The following PINX1 variants were observed in gnomAD, a reference collection of about 807,000 sequenced individuals.
The protein encoded by PINX1 is PIN2 (TERF1) interacting telomerase inhibitor 1.
PINX1 carries 34 observed loss-of-function variants against 25.4 expected under a neutral mutation model. The observed-to-expected ratio is 1.34, with a 90% CI of 1.02 to 1.78. PINX1 has a LOEUF of 1.78. PINX1 is among the 40% of genes most tolerant of loss of function. The pLI is 0.00. For synonymous variants in PINX1, 197 were observed against 147.7 expected, an observed-to-expected ratio of 1.33 and a Z score of -2.42; for missense variants, 592 against 404.9, an observed-to-expected ratio of 1.46 and a Z score of -3.97.
intron 1 of PINX1, among the ~76,000 whole-genome samples, chr8:10,836,683 T>C (rs1014707442): frequency 8.1e-6 from 1 of 123,164 alleles, no homozygotes; most frequent in Non-Finnish European, 1.7e-5. Flanking sequence ...CAAACAAGGA[T>C]GTTGGGGGGG....
chr8:10,827,683 G>A (rs373110719), intron 4 of PINX1, among the ~76,000 whole-genome samples: 1 of 151,408 alleles, frequency 6.6e-6, no homozygotes, highest in South Asian at 2.1e-4. Context: ...GCAGCAGGCA[G>A]ATCATGAGGT....
At chr8:10,838,635 G>C (rs1798477671) in intron 1 of PINX1, among the ~76,000 whole-genome samples, 2 of 152,148 alleles carry the variant, frequency 1.3e-5, no homozygotes, top group South Asian at 2.1e-4. Flanking sequence ...AACCAGAAGA[G>C]ATCTTAGCTA....
intron 1 of PINX1, among the ~76,000 whole-genome samples, chr8:10,838,003 G>A (rs117040951): frequency 2.4e-3 from 369 of 152,290 alleles, no homozygotes; most frequent in Non-Finnish European, 4.5e-3. Flanking sequence ...CAGCAGCTAG[G>A]CTTCAATCAC....
At chr8:10,837,343 G>T (rs1563242905) in intron 1 of PINX1, among the ~76,000 whole-genome samples, 1 of 152,206 alleles carries the variant, frequency 6.6e-6, no homozygotes, top group Non-Finnish European at 1.5e-5. Context: ...GACTCCCTGG[G>T]GGAGGGCTCT....
Position 10,765,496 on chromosome 8 carries a change from C to G in PINX1, c.892G>C (p.Gly298Arg), listed in dbSNP as rs1188017227. 6 of 1,613,536 alleles carry G rather than the reference C, an allele frequency of 3.7e-6. No individual in the cohort carries two copies. Among genetic ancestry groups the G allele is most frequent in the Non-Finnish European group, 5.1e-6 (6 of 1,179,910 alleles). The change falls in exon 7 of 7, where the codon GGG (glycine) becomes CGG (arginine). Residue 298 changes from glycine (G) to arginine (R), a missense_variant. Coordinates refer to ENST00000314787, the MANE Select transcript of PINX1 (RefSeq NM_017884.6). ...ACTGGTTTTTGCAGCTTTTTCTTCC[C>G]TCTCCTCTTTTTGGGCTTCAGGGTG... ...DFTLKPKKRR[G>R]KKKLQKPVEI...
At chr8:10,792,417 A>T (rs1801952751) in intron 6 of PINX1, among the ~76,000 whole-genome samples, 1 of 151,994 alleles carries the variant, frequency 6.6e-6, no homozygotes, top group South Asian at 2.1e-4. Context: ...CCTCCAGCTC[A>T]ACAGTTAACC....
chr8:10,814,386 G>A (rs1797629695), intron 6 of PINX1, among the ~76,000 whole-genome samples: 2 of 152,194 alleles, frequency 1.3e-5, no homozygotes, highest in Non-Finnish European at 2.9e-5. Context: ...TGTGTCTGGA[G>A]GAAATACGAA....
chr8:10,791,857 A>G (rs1801933302), intron 6 of PINX1, among the ~76,000 whole-genome samples: 1 of 152,132 alleles, frequency 6.6e-6, no homozygotes, highest in Non-Finnish European at 1.5e-5. Flanking sequence ...CCTGCCTGGG[A>G]GCGGGGAGAC....
At chr8:10,825,775 C>G (rs1410701619) in intron 5 of PINX1, among the ~76,000 whole-genome samples, 1 of 152,240 alleles carries the variant, frequency 6.6e-6, no homozygotes, top group African/African-American at 2.4e-5. Context: ...AGCTATTTAA[C>G]ACCAACTTTC....
intron 6 of PINX1, among the ~76,000 whole-genome samples, chr8:10,798,240 T>C (rs1456362625): frequency 1.3e-5 from 2 of 152,236 alleles, no homozygotes; most frequent in East Asian, 3.8e-4. Context: ...AAATGCCCAC[T>C]GAAGTGTGCG....
intron 4 of PINX1, among the ~76,000 whole-genome samples, chr8:10,826,553 C>T (rs553846271): frequency 1.3e-5 from 2 of 152,344 alleles, no homozygotes; most frequent in African/African-American, 4.8e-5. Context: ...CAAATGTTCA[C>T]ATTAGCCTTA....
At chr8:10,820,896 A>C (rs1045343171) in intron 5 of PINX1, among the ~76,000 whole-genome samples, 1 of 152,236 alleles carries the variant, frequency 6.6e-6, no homozygotes, top group East Asian at 1.9e-4. Context: ...CTCTAAATAA[A>C]AAGCTACATA....
intron 4 of PINX1, among the ~76,000 whole-genome samples, chr8:10,826,994 C>G (rs1798072379): frequency 6.6e-6 from 1 of 151,952 alleles, no homozygotes; most frequent in African/African-American, 2.4e-5. Context: ...TGAATGGAGA[C>G]CAAAAAAAGA....
intron 3 of PINX1, 86 bp downstream of exon 3, chr8:10,832,806 G>C: frequency 1.4e-6 from 1 of 736,310 alleles, no homozygotes; most frequent in Non-Finnish European, 2.4e-6. Flanking sequence ...CCAATGGTCA[G>C]AAGCAGATGA....
At chr8:10,789,299 T>C (rs1801848942) in intron 6 of PINX1, among the ~76,000 whole-genome samples, 1 of 152,172 alleles carries the variant, frequency 6.6e-6, no homozygotes, top group Non-Finnish European at 1.5e-5. Context: ...TAATAAGGTA[T>C]AAGTGACAGA....
chr8:10,783,504 C>G (rs542674288), intron 6 of PINX1, among the ~76,000 whole-genome samples: 2 of 152,314 alleles, frequency 1.3e-5, no homozygotes, highest in African/African-American at 4.8e-5. Context: ...GCTGCTCCTT[C>G]AAGACACATA....
chr8:10,838,547 C>T (rs936812374), intron 1 of PINX1, among the ~76,000 whole-genome samples: 2 of 152,194 alleles, frequency 1.3e-5, no homozygotes, highest in Non-Finnish European at 2.9e-5. Flanking sequence ...ATCAAAGGAA[C>T]AGACATAAAT....
chr8:10,801,543 C>A (rs1471558546), intron 6 of PINX1, among the ~76,000 whole-genome samples: 1 of 152,154 alleles, frequency 6.6e-6, no homozygotes, highest in Non-Finnish European at 1.5e-5. Flanking sequence ...CTGAAGTGGG[C>A]AAGCTTAACC....
At chr8:10,765,958 T>A (rs1220563792) in intron 6 of PINX1, 42 bp from the exon 7 acceptor site, 5 of 1,590,236 alleles carry the variant, frequency 3.1e-6, no homozygotes, top group Non-Finnish European at 4.3e-6. Flanking sequence ...AAGCATCAAC[T>A]GTTCATCCCT....
Sources: allele counts gnomAD v4.1 joint callset (sites outside exome capture counted in the v4.1 genomes callset), GRCh38; gene constraint gnomAD v4.1.1; transcripts MANE v1.5; gene names NCBI Gene and HGNC (gene_info 2026-07-23, HGNC 2026-07-21).